The following WWOX variants were observed in gnomAD, a reference collection of about 807,000 sequenced individuals.
WWOX encodes WW domain-containing oxidoreductase.
In WWOX, 69 loss-of-function variants were observed where a neutral mutation model predicts 46.2. The observed-to-expected ratio is 1.49, with a 90% CI of 1.23 to 1.82. WWOX has a LOEUF of 1.82. WWOX is among the 40% of genes most tolerant of loss of function. The probability of loss-of-function intolerance (pLI) is 0.00; values close to 1 mark genes in which losing one functional copy is unlikely to be tolerated. For missense variants in WWOX, 919 were observed against 542.6 expected (o/e 1.69, Z -6.89); for synonymous variants, 359 against 202.6 (o/e 1.77, Z -6.56).
chr16:78,798,739 A>T (rs1340354274), intron 8 of WWOX, among the ~76,000 whole-genome samples: 1 of 152,192 alleles, frequency 6.6e-6, no homozygotes, highest in Non-Finnish European at 1.5e-5. Context: ...AACAATGATA[A>T]ATGATGTTGT....
At chr16:79,199,629 C>T (rs1046684092) in intron 8 of WWOX, among the ~76,000 whole-genome samples, 2 of 152,134 alleles carry the variant, frequency 1.3e-5, no homozygotes, top group African/African-American at 2.4e-5. Context: ...TCCACCTTGC[C>T]ACCTAGAACA....
At chr16:78,950,490 G>C (rs1057509271) in intron 8 of WWOX, among the ~76,000 whole-genome samples, 1 of 149,560 alleles carries the variant, frequency 6.7e-6, no homozygotes, top group African/African-American at 2.5e-5. Context: ...TTTGAGGAAA[G>C]ACAAAGCAAA....
intron 8 of WWOX, among the ~76,000 whole-genome samples, chr16:78,565,307 T>G (rs765671250): frequency 2.6e-5 from 4 of 152,214 alleles, no homozygotes; most frequent in Non-Finnish European, 4.4e-5. Flanking sequence ...TCAAAATCAG[T>G]CTCACCTGGT....
intron 8 of WWOX, among the ~76,000 whole-genome samples, chr16:78,472,016 A>G (rs2084234850): frequency 6.6e-6 from 1 of 152,226 alleles, no homozygotes; most frequent in Non-Finnish European, 1.5e-5. Flanking sequence ...CAGCGAAGAC[A>G]TTCCTTTGAT....
chr16:78,968,479 C>T (rs1269857273), intron 8 of WWOX, among the ~76,000 whole-genome samples: 1 of 152,242 alleles, frequency 6.6e-6, no homozygotes, highest in African/African-American at 2.4e-5. Flanking sequence ...TGGCAGTCTT[C>T]ATCGTGGATG....
intron 8 of WWOX, among the ~76,000 whole-genome samples, chr16:78,885,187 C>G (rs2044428532): frequency 6.7e-6 from 1 of 148,204 alleles, no homozygotes; most frequent in Admixed American, 6.7e-5. Context: ...ACCAATCACT[C>G]TCTACTTTTT....
chr16:78,229,519 T>A (rs1353621438), intron 5 of WWOX, among the ~76,000 whole-genome samples: 1 of 148,290 alleles, frequency 6.7e-6, no homozygotes, highest in African/African-American at 2.5e-5. Flanking sequence ...TATAGAGATA[T>A]ATATATATAT....
At chr16:78,766,671 T>C (rs969577711) in intron 8 of WWOX, among the ~76,000 whole-genome samples, 4 of 152,228 alleles carry the variant, frequency 2.6e-5, no homozygotes, top group African/African-American at 9.6e-5. Flanking sequence ...ATTCAGTTAA[T>C]CAAGTTTGTT....
At chr16:78,713,990 T>C (rs1475156835) in intron 8 of WWOX, among the ~76,000 whole-genome samples, 1 of 152,124 alleles carries the variant, frequency 6.6e-6, no homozygotes, top group African/African-American at 2.4e-5. Flanking sequence ...GTGTGTACTC[T>C]AGTTCTCTTT....
At chr16:78,872,261 T>A (rs968441664) in intron 8 of WWOX, among the ~76,000 whole-genome samples, 2 of 152,240 alleles carry the variant, frequency 1.3e-5, no homozygotes. Context: ...CAGAAAAGTT[T>A]ACTTAATTTC....
chr16:78,663,430 T>C (rs1363024203), intron 8 of WWOX, among the ~76,000 whole-genome samples: 1 of 152,216 alleles, frequency 6.6e-6, no homozygotes. Flanking sequence ...TCACAGTTCA[T>C]GTCATTCCCA....
chr16:78,925,248 A>G (rs143194512), intron 8 of WWOX, among the ~76,000 whole-genome samples: 1 of 152,198 alleles, frequency 6.6e-6, no homozygotes, highest in African/African-American at 2.4e-5. Context: ...TAGAAGCCAC[A>G]TGACCAAGGC....
chr16:78,656,375 C>T (rs2047080862), intron 8 of WWOX, among the ~76,000 whole-genome samples: 1 of 152,134 alleles, frequency 6.6e-6, no homozygotes, highest in Non-Finnish European at 1.5e-5. Context: ...CTACCTGAGG[C>T]TGGCTAATGT....
intron 8 of WWOX, among the ~76,000 whole-genome samples, chr16:78,780,765 A>G (rs958060210): frequency 6.6e-6 from 1 of 152,170 alleles, no homozygotes; most frequent in Non-Finnish European, 1.5e-5. Flanking sequence ...AGAACAAGAA[A>G]GGGGCCCGTA....
chr16:78,817,027 T>A (rs191314159), intron 8 of WWOX, among the ~76,000 whole-genome samples: 1 of 152,138 alleles, frequency 6.6e-6, no homozygotes, highest in African/African-American at 2.4e-5. Flanking sequence ...ACCAACTGTT[T>A]TTGATCCCAC....
rs114576516 is a variant in WWOX at position 78,908,272 on chromosome 16, G to C, written c.1057-303336G>C. Among the ~76,000 whole-genome samples, 77 of 152,244 alleles carry C rather than the reference G, an allele frequency of 5.1e-4. No individual in the cohort carries two copies. In the East Asian group the frequency reaches 0.015, roughly 29 times the overall value. On this transcript the variant is annotated intron_variant, in intron 8 of 8. Coordinates refer to ENST00000566780, the MANE Select transcript of WWOX (RefSeq NM_016373.4). ...AAAGAGTTTAGGTCCAGGCACGGTG[G>C]CTCATGCCTGTAATCCCAGCATTTT...
chr16:78,541,567 C>G (rs1013343372), intron 8 of WWOX, among the ~76,000 whole-genome samples: 13 of 146,404 alleles, frequency 8.9e-5, no homozygotes, highest in Middle Eastern at 3.8e-3. Context: ...GTGCTTGTCT[C>G]TGGATAGGAT....
chr16:78,727,892 G>T (rs1365245524), intron 8 of WWOX, among the ~76,000 whole-genome samples: 1 of 151,860 alleles, frequency 6.6e-6, no homozygotes, highest in African/African-American at 2.4e-5. Context: ...AGTTATCCAG[G>T]ACCCAAAATA....
intron 8 of WWOX, among the ~76,000 whole-genome samples, chr16:78,930,049 G>A (rs1411348847): frequency 1.3e-5 from 2 of 152,048 alleles, no homozygotes; most frequent in East Asian, 3.9e-4. Flanking sequence ...CTTCTTGGGC[G>A]TGTCCTTAGG....
Sources: allele counts gnomAD v4.1 joint callset (sites outside exome capture counted in the v4.1 genomes callset), GRCh38; gene constraint gnomAD v4.1.1; transcripts MANE v1.5; gene names NCBI Gene and HGNC (gene_info 2026-07-23, HGNC 2026-07-21).